The following RANBP17 variants were observed in gnomAD, a reference collection of about 807,000 sequenced individuals.
RANBP17 encodes RAN binding protein 17.
In RANBP17, 158 loss-of-function variants were observed where a neutral mutation model predicts 141.2. The ratio of observed to expected loss-of-function variants is 1.12; its 90% confidence interval spans 0.98 to 1.28. RANBP17 has a LOEUF of 1.28. Ranked by LOEUF, RANBP17 falls within the 50% of genes most tolerant of loss-of-function variation. RANBP17 has a pLI of 0.00. For missense variants in RANBP17, 1,438 were observed against 1,290.7 expected (o/e 1.11, Z -1.75); for synonymous variants, 430 against 450.0 (o/e 0.96, Z 0.56).
intron 25 of RANBP17, among the ~76,000 whole-genome samples, chr5:171,287,469 G>A (rs553080551): frequency 7.4e-5 from 11 of 147,948 alleles, no homozygotes; most frequent in Non-Finnish European, 1.2e-4. Flanking sequence ...CAGCCTGGGC[G>A]ACAGGAGCGA....
chr5:171,045,526 C>G (rs1003348534), intron 14 of RANBP17, among the ~76,000 whole-genome samples: 2 of 152,042 alleles, frequency 1.3e-5, no homozygotes, highest in African/African-American at 4.8e-5. Context: ...ATGTCAAAAA[C>G]AATATGCTTC....
intron 5 of RANBP17, among the ~76,000 whole-genome samples, chr5:170,897,761 C>T (rs376672289): frequency 2.0e-4 from 30 of 152,200 alleles, no homozygotes; most frequent in South Asian, 8.3e-4. Context: ...ATGGCTGCAT[C>T]GTATTCCATG....
intron 14 of RANBP17, among the ~76,000 whole-genome samples, chr5:171,014,551 A>T (rs1410461583): frequency 6.6e-6 from 1 of 151,968 alleles, no homozygotes; most frequent in Non-Finnish European, 1.5e-5. Context: ...TTTACTTATC[A>T]AAAAAGAACT....
chr5:171,213,796 A>T, intron 21 of RANBP17, 58 bp downstream of exon 21: 1 of 1,266,002 alleles, frequency 7.9e-7, no homozygotes, highest in South Asian at 1.2e-5. Flanking sequence ...AATCTCCAAC[A>T]GTCAGACTTT....
intron 14 of RANBP17, among the ~76,000 whole-genome samples, chr5:170,975,988 A>AAAAAC (rs36210165): frequency 1.3e-4 from 19 of 149,994 alleles, no homozygotes; most frequent in Non-Finnish European, 2.5e-4. Context: ...TAAATAGGCA[A>AAAAAC]AAAACAAAAC....
intron 3 of RANBP17, among the ~76,000 whole-genome samples, chr5:170,890,783 T>C (rs1769528315): frequency 6.6e-6 from 1 of 152,234 alleles, no homozygotes; most frequent in Non-Finnish European, 1.5e-5. Context: ...TTAACAGTTT[T>C]GGTGTATTAA....
intron 14 of RANBP17, among the ~76,000 whole-genome samples, chr5:171,092,212 A>G (rs1786347334): frequency 6.6e-6 from 1 of 152,180 alleles, no homozygotes; most frequent in Non-Finnish European, 1.5e-5. Flanking sequence ...CTTTCTGAGA[A>G]TTCTTATTTG....
chr5:170,995,209 A>G (rs1778734780), intron 14 of RANBP17, among the ~76,000 whole-genome samples: 1 of 152,062 alleles, frequency 6.6e-6, no homozygotes, highest in Non-Finnish European at 1.5e-5. Flanking sequence ...TGTTGTATGC[A>G]TATCTTTTCT....
At chr5:171,119,031 A>T (rs1004849315) in intron 14 of RANBP17, among the ~76,000 whole-genome samples, 1 of 152,150 alleles carries the variant, frequency 6.6e-6, no homozygotes, top group African/African-American at 2.4e-5. Context: ...GATTTTCTTC[A>T]CTCAGTATAA....
chr5:171,240,198 C>A (rs1295753012), intron 22 of RANBP17, among the ~76,000 whole-genome samples: 2 of 151,422 alleles, frequency 1.3e-5, no homozygotes, highest in Non-Finnish European at 2.9e-5. Context: ...AACATACTTA[C>A]TAGCACACAT....
intron 12 of RANBP17, among the ~76,000 whole-genome samples, chr5:170,930,575 G>A (rs1225277382): frequency 6.6e-6 from 1 of 151,476 alleles, no homozygotes; most frequent in African/African-American, 2.4e-5. Flanking sequence ...CCCACTCCCC[G>A]GCAGGCCCTG....
intron 22 of RANBP17, among the ~76,000 whole-genome samples, chr5:171,222,942 T>C (rs1212722365): frequency 6.6e-6 from 1 of 152,204 alleles, no homozygotes; most frequent in Admixed American, 6.5e-5. Context: ...ATTCTAATAT[T>C]TGGGTACCCA....
intron 1 of RANBP17, among the ~76,000 whole-genome samples, chr5:170,877,468 C>A (rs1197616157): frequency 1.3e-5 from 2 of 152,016 alleles, no homozygotes; most frequent in Admixed American, 1.3e-4. Context: ...TGCCATGTTG[C>A]CTGTGGTGGT....
intron 22 of RANBP17, among the ~76,000 whole-genome samples, chr5:171,237,802 A>G (rs1764631062): frequency 6.6e-6 from 1 of 152,184 alleles, no homozygotes; most frequent in African/African-American, 2.4e-5. Flanking sequence ...ACAAGGAAGG[A>G]ATAGAACTTT....
intron 14 of RANBP17, among the ~76,000 whole-genome samples, chr5:170,985,135 A>T (rs1193100838): frequency 2.6e-5 from 4 of 151,848 alleles, no homozygotes; most frequent in Admixed American, 1.3e-4. Context: ...ACACAAACAC[A>T]GACACACACA....
intron 14 of RANBP17, among the ~76,000 whole-genome samples, chr5:170,975,329 G>A (rs565611045): frequency 1.3e-5 from 2 of 152,212 alleles, no homozygotes; most frequent in South Asian, 4.2e-4. Context: ...AGGAGTTCGA[G>A]ACCAGCCTGA....
chr5:171,184,449 A>G (rs779930889), intron 18 of RANBP17, among the ~76,000 whole-genome samples: 1 of 152,190 alleles, frequency 6.6e-6, no homozygotes, highest in African/African-American at 2.4e-5. Flanking sequence ...ATAGAACTAG[A>G]GAGTAGAATG....
chr5:171,048,242 T>G (rs1782722460), intron 14 of RANBP17, among the ~76,000 whole-genome samples: 1 of 152,156 alleles, frequency 6.6e-6, no homozygotes, highest in Admixed American at 6.5e-5. Context: ...TTATTTTTTG[T>G]AGAGACATCT....
rs75548633 is a variant in RANBP17 at position 170,968,581 on chromosome 5, A to T, written c.1710+204A>T. 5,868 of 617,204 alleles carry T rather than the reference A, an allele frequency of 9.5e-3. 246 individuals are homozygous for T. Among genetic ancestry groups the T allele is most frequent in the African/African-American group, 0.091 (5,028 of 55,024 alleles). The allele number at this position is 617,204 out of a possible 1,614,324, so 38.2% of individuals were successfully genotyped here. The stretch of plus-strand genomic sequence containing the variant: ...ATTTTCTTTAAAGATTGAGTGGCAG[A>T]GAGGTAATGAATATGTTTTACATGG... On this transcript the variant is annotated intron_variant, in intron 14 of 27. Transcript: ENST00000523189.
Sources: gnomAD v4.1 joint callset for allele counts (sites outside exome capture counted in the v4.1 genomes callset) on GRCh38, gnomAD v4.1.1 for gene constraint, MANE v1.5 for transcripts, NCBI Gene and HGNC (gene_info 2026-07-23, HGNC 2026-07-21) for gene names.